TPD52L1: variants seen among roughly 807,000 people sequenced by gnomAD.
The protein encoded by TPD52L1 is TPD52 like 1.
In TPD52L1, 18 loss-of-function variants were observed where a neutral mutation model predicts 28.7. The ratio of observed to expected loss-of-function variants is 0.63; its 90% confidence interval spans 0.43 to 0.93. The LOEUF is 0.93. TPD52L1 is among the 40% of genes least tolerant of loss of function. The probability of loss-of-function intolerance (pLI) is 0.00; values close to 1 mark genes in which losing one functional copy is unlikely to be tolerated. For synonymous variants in TPD52L1, 75 were observed against 88.8 expected (o/e 0.84, Z 0.88); for missense variants, 203 against 254.8 (o/e 0.80, Z 1.39).
chr6:125,185,227 A>T (rs1374440656), intron 1 of TPD52L1, among the ~76,000 whole-genome samples: 1 of 152,182 alleles, frequency 6.6e-6, no homozygotes, highest in Non-Finnish European at 1.5e-5. Context: ...GGTATATTTT[A>T]ATGAGTAGAT....
chr6:125,166,494 A>G (rs1425293689), intron 1 of TPD52L1, among the ~76,000 whole-genome samples: 1 of 152,186 alleles, frequency 6.6e-6, no homozygotes, highest in Non-Finnish European at 1.5e-5. Context: ...AAGTTTATTT[A>G]AAATGATTGG....
At chr6:125,171,301 G>A (rs73771248) in intron 1 of TPD52L1, among the ~76,000 whole-genome samples, 9,504 of 152,154 alleles carry the variant, frequency 0.062, 581 homozygotes, top group East Asian at 0.33. Flanking sequence ...TGCATAAGGC[G>A]CCTATCAATG....
At chr6:125,178,648 A>T (rs1039794503) in intron 1 of TPD52L1, among the ~76,000 whole-genome samples, 8 of 145,620 alleles carry the variant, frequency 5.5e-5, no homozygotes, top group East Asian at 2.3e-4. Context: ...AACAAAACAA[A>T]ACAAAACAAA....
intron 1 of TPD52L1, among the ~76,000 whole-genome samples, chr6:125,207,351 A>C (rs138153383): frequency 1.3e-5 from 2 of 152,230 alleles, no homozygotes; most frequent in Admixed American, 1.3e-4. Context: ...CTCATCAGTT[A>C]TGTGAGTTTG....
intron 1 of TPD52L1, among the ~76,000 whole-genome samples, chr6:125,206,975 A>G (rs759579297): frequency 1.3e-5 from 2 of 152,200 alleles, no homozygotes; most frequent in Non-Finnish European, 2.9e-5. Context: ...CCTGGAGTCA[A>G]TGCATCAAGA....
chr6:125,160,599 A>G (rs977323954), intron 1 of TPD52L1, among the ~76,000 whole-genome samples: 6 of 152,242 alleles, frequency 3.9e-5, no homozygotes, highest in African/African-American at 1.4e-4. Context: ...GTCACCAGCT[A>G]CATTAGCCCC....
chr6:125,246,599 A>G (rs1267356883), intron 3 of TPD52L1, among the ~76,000 whole-genome samples: 1 of 152,224 alleles, frequency 6.6e-6, no homozygotes, highest in African/African-American at 2.4e-5. Context: ...ATTAAAAGCT[A>G]AAATCATGTA....
chr6:125,214,571 C>T (rs1794731715), intron 1 of TPD52L1: 1 of 500,962 alleles, frequency 2.0e-6, no homozygotes, highest in Non-Finnish European at 2.6e-6. Context: ...TAGAACATTG[C>T]CTCAAAAAAA....
At chr6:125,182,923 T>G (rs1313918504) in intron 1 of TPD52L1, among the ~76,000 whole-genome samples, 1 of 152,222 alleles carries the variant, frequency 6.6e-6, no homozygotes, top group Non-Finnish European at 1.5e-5. Flanking sequence ...GGATTACGAA[T>G]GCAAGGAATG....
At chr6:125,216,791 A>C (rs1464550126) in intron 1 of TPD52L1, among the ~76,000 whole-genome samples, 1 of 152,004 alleles carries the variant, frequency 6.6e-6, no homozygotes, top group Non-Finnish European at 1.5e-5. Flanking sequence ...AACGTGGATC[A>C]GCAATATGCC....
chr6:125,206,613 GA>G (rs1717406743), intron 1 of TPD52L1, among the ~76,000 whole-genome samples: 1 of 152,180 alleles, frequency 6.6e-6, no homozygotes, highest in Non-Finnish European at 1.5e-5. Flanking sequence ...CTTTGGTAGG[GA>G]CATCACAGGC....
chr6:125,189,902 A>C (rs1033811562), intron 1 of TPD52L1, among the ~76,000 whole-genome samples: 10 of 152,202 alleles, frequency 6.6e-5, no homozygotes, highest in African/African-American at 2.4e-4. Context: ...ATAATAACTT[A>C]GGTTTGACAA....
chr6:125,225,525 T>C (rs1795553866), intron 2 of TPD52L1, among the ~76,000 whole-genome samples: 2 of 152,242 alleles, frequency 1.3e-5, no homozygotes, highest in African/African-American at 4.8e-5. Flanking sequence ...GTTATTTTCC[T>C]GTTAATTCAT....
chr6:125,200,723 A>G (rs972552717), intron 1 of TPD52L1, among the ~76,000 whole-genome samples: 11 of 152,216 alleles, frequency 7.2e-5, no homozygotes, highest in Admixed American at 7.2e-4. Flanking sequence ...TGATGCAGTA[A>G]CTTGATTTTT....
chr6:125,259,686 T>A (rs1454062184), intron 6 of TPD52L1, among the ~76,000 whole-genome samples: 1 of 152,314 alleles, frequency 6.6e-6, no homozygotes, highest in African/African-American at 2.4e-5. Context: ...GATAAATACA[T>A]TATATGGCCT....
chr6:125,169,694 G>A (rs1057175050), intron 1 of TPD52L1, among the ~76,000 whole-genome samples: 11 of 152,058 alleles, frequency 7.2e-5, no homozygotes, highest in African/African-American at 1.4e-4. Context: ...TCTCCCATGC[G>A]CATTACTGCA....
At chr6:125,250,832 G>A (rs775137328) in intron 4 of TPD52L1, among the ~76,000 whole-genome samples, 3 of 152,102 alleles carry the variant, frequency 2.0e-5, no homozygotes, top group Non-Finnish European at 4.4e-5. Context: ...CATGTAGAGG[G>A]TACAACATTT....
intron 1 of TPD52L1, among the ~76,000 whole-genome samples, chr6:125,216,644 T>C (rs1794914847): frequency 1.3e-5 from 2 of 150,180 alleles, no homozygotes; most frequent in African/African-American, 4.9e-5. Flanking sequence ...TTTTGGGTAA[T>C]ATGATTAATG....
intron 1 of TPD52L1, among the ~76,000 whole-genome samples, chr6:125,184,724 G>A (rs1174292611): frequency 6.6e-6 from 1 of 151,814 alleles, no homozygotes; most frequent in Non-Finnish European, 1.5e-5. Flanking sequence ...AAACAATGAT[G>A]GAACGTTTAC....
Sources: allele counts gnomAD v4.1 joint callset (sites outside exome capture counted in the v4.1 genomes callset), GRCh38; gene constraint gnomAD v4.1.1; transcripts MANE v1.5; gene names NCBI Gene and HGNC (gene_info 2026-07-23, HGNC 2026-07-21).